LDB2: variants seen among roughly 807,000 people sequenced by gnomAD.
LDB2 encodes LIM domain-binding protein 2.
In LDB2, 12 loss-of-function variants were observed where a neutral mutation model predicts 44.3. The observed-to-expected ratio is 0.27, with a 90% CI of 0.17 to 0.44. LDB2 has a LOEUF of 0.44. Ranked by LOEUF, LDB2 falls within the 20% of genes least tolerant of loss-of-function variation. LDB2 has a pLI of 1.00. For missense variants in LDB2, 344 were observed against 473.5 expected, an observed-to-expected ratio of 0.73 and a Z score of 2.54; for synonymous variants, 164 against 174.8, an observed-to-expected ratio of 0.94 and a Z score of 0.49.
intron 2 of LDB2, among the ~76,000 whole-genome samples, chr4:16,690,238 C>T (rs78530469): frequency 0.091 from 13,732 of 151,614 alleles, 827 homozygotes; most frequent in East Asian, 0.19. Flanking sequence ...CTTGAAAGGT[C>T]TATGGTTTTT....
In LDB2 at chr4:16,771,877, T is replaced by G. The variant is rs150755562; in HGVS notation, c.133-12617A>C. On this transcript the variant is annotated intron_variant, in intron 1 of 7. Coordinates refer to ENST00000304523, the MANE Select transcript of LDB2 (RefSeq NM_001290.5). ...TCTGCAAAGAAGCCTGGAGGATCTT[T>G]TAACAATACCCATTAGATTGTGACC... 4.9e-3 allele frequency among the ~76,000 whole-genome samples: 744 copies of G among 152,350 alleles called. 4 individuals carry two copies. The highest frequency in any genetic ancestry group is 0.017 in the African/African-American group (707 of 41,586).
intron 1 of LDB2, among the ~76,000 whole-genome samples, chr4:16,821,623 T>C (rs1250594540): frequency 6.6e-6 from 1 of 150,662 alleles, no homozygotes; most frequent in Non-Finnish European, 1.5e-5. Context: ...TCTCCTAATC[T>C]CGTGATCTGC....
chr4:16,539,812 G>A (rs542834179), intron 5 of LDB2, among the ~76,000 whole-genome samples: 2 of 152,184 alleles, frequency 1.3e-5, no homozygotes, highest in South Asian at 4.2e-4. Context: ...ATATCCATGT[G>A]TTCCCCTACA....
chr4:16,730,249 G>T (rs1760454077), intron 2 of LDB2, among the ~76,000 whole-genome samples: 1 of 152,140 alleles, frequency 6.6e-6, no homozygotes, highest in Non-Finnish European at 1.5e-5. Flanking sequence ...TCAGCCAGCT[G>T]CCAGCCCAAA....
intron 1 of LDB2, among the ~76,000 whole-genome samples, chr4:16,822,701 A>G (rs540887759): frequency 1.3e-5 from 2 of 152,114 alleles, no homozygotes; most frequent in African/African-American, 4.8e-5. Context: ...TTTTTAGTAG[A>G]CACAGGGTTT....
chr4:16,553,659 C>T (rs1324850181), intron 5 of LDB2, among the ~76,000 whole-genome samples: 5 of 152,172 alleles, frequency 3.3e-5, no homozygotes, highest in African/African-American at 4.8e-5. Context: ...CTTTTCCTAT[C>T]AGTTACCTTA....
chr4:16,509,762 G>A (rs1408291110), intron 6 of LDB2, among the ~76,000 whole-genome samples: 1 of 152,192 alleles, frequency 6.6e-6, no homozygotes, highest in African/African-American at 2.4e-5. Flanking sequence ...CTGTGATGGA[G>A]AGAAGGCAAC....
intron 2 of LDB2, among the ~76,000 whole-genome samples, chr4:16,710,174 A>C (rs1363598741): frequency 6.6e-6 from 1 of 152,168 alleles, no homozygotes; most frequent in East Asian, 1.9e-4. Context: ...TTTTAAAAAT[A>C]TTTCTGCCTT....
At chr4:16,826,051 A>C (rs1200326983) in intron 1 of LDB2, among the ~76,000 whole-genome samples, 2 of 151,780 alleles carry the variant, frequency 1.3e-5, no homozygotes, top group Non-Finnish European at 2.9e-5. Flanking sequence ...GTTTAGCCCT[A>C]ATGTTATATA....
chr4:16,503,008 CG>C, intron 7 of LDB2, 135 bp from the exon 8 acceptor site: 1 of 1,587,728 alleles, frequency 6.3e-7, no homozygotes. Flanking sequence ...GTCTCAATGT[CG>C]GGGGCCGAGA....
intron 2 of LDB2, among the ~76,000 whole-genome samples, chr4:16,701,361 G>T (rs185571492): frequency 1.2e-4 from 18 of 152,260 alleles, no homozygotes; most frequent in African/African-American, 2.9e-4. Context: ...GAGTAGAGTA[G>T]ATTGAGTGTC....
intron 1 of LDB2, among the ~76,000 whole-genome samples, chr4:16,878,490 T>C (rs958099377): frequency 6.6e-6 from 1 of 152,232 alleles, no homozygotes; most frequent in Non-Finnish European, 1.5e-5. Context: ...CTTCTGCTTC[T>C]GCTTTTAAAT....
chr4:16,741,552 A>G (rs1191067117), intron 2 of LDB2: 1 of 152,226 alleles, frequency 6.6e-6, no homozygotes, highest in African/African-American at 2.4e-5. Flanking sequence ...GATCAGGAAA[A>G]CACAAGACAG....
chr4:16,716,561 A>G (rs1304673498), intron 2 of LDB2, among the ~76,000 whole-genome samples: 1 of 152,182 alleles, frequency 6.6e-6, no homozygotes, highest in South Asian at 2.1e-4. Context: ...ACCAATGATC[A>G]GTGGTTTTTA....
chr4:16,669,098 A>G (rs1225481118), intron 2 of LDB2, among the ~76,000 whole-genome samples: 1 of 152,220 alleles, frequency 6.6e-6, no homozygotes, highest in African/African-American at 2.4e-5. Context: ...CAGAAAGTGG[A>G]GAATGAATAT....
At chr4:16,757,340 C>T (rs546946210) in intron 2 of LDB2, among the ~76,000 whole-genome samples, 14 of 152,100 alleles carry the variant, frequency 9.2e-5, no homozygotes, top group Non-Finnish European at 1.8e-4. Flanking sequence ...CTTCTCCACT[C>T]GGGAAATATT....
At chr4:16,800,492 T>G (rs779971468) in intron 1 of LDB2, among the ~76,000 whole-genome samples, 1 of 152,238 alleles carries the variant, frequency 6.6e-6, no homozygotes, top group Non-Finnish European at 1.5e-5. Context: ...TGTGTTCATT[T>G]TAGAAGATTT....
At chr4:16,842,995 G>A (rs933412769) in intron 1 of LDB2, among the ~76,000 whole-genome samples, 2 of 152,086 alleles carry the variant, frequency 1.3e-5, no homozygotes, top group Non-Finnish European at 2.9e-5. Flanking sequence ...ATATTGCAAA[G>A]AGCAATATTG....
Position 16,673,186 on chromosome 4 carries a change from T to G in LDB2, c.236-77311A>C, listed in dbSNP as rs146790042. Among the ~76,000 whole-genome samples, 284 of 152,282 alleles carry G rather than the reference T, an allele frequency of 1.9e-3. 1 individual carries two copies. Among genetic ancestry groups the G allele is most frequent in the African/African-American group, 6.5e-3 (271 of 41,552 alleles). ...GCATGAATCCACTTCACAAGAGATA[T>G]CTCTGCTAAAAATCTGGGAATAGGA... On this transcript the variant is annotated intron_variant, in intron 2 of 7. Coordinates refer to ENST00000304523, the MANE Select transcript of LDB2 (RefSeq NM_001290.5).
Sources: allele counts gnomAD v4.1 joint callset (sites outside exome capture counted in the v4.1 genomes callset), GRCh38; gene constraint gnomAD v4.1.1; transcripts MANE v1.5; gene names NCBI Gene and HGNC (gene_info 2026-07-23, HGNC 2026-07-21).